The following FGGY variants were observed in gnomAD, a reference collection of about 807,000 sequenced individuals.
FGGY encodes the protein FGGY carbohydrate kinase domain-containing protein.
Under a neutral mutation model 71.3 loss-of-function variants are expected in FGGY, and 72 were observed. The ratio of observed to expected loss-of-function variants is 1.01; its 90% CI spans 0.84 to 1.23. FGGY has a LOEUF of 1.23. Among genes scored for constraint, FGGY ranks in the 50% most tolerant of loss-of-function variants. The pLI, the probability that FGGY is intolerant of heterozygous loss-of-function variation, is 0.00. For synonymous variants in FGGY, 251 were observed against 250.3 expected (o/e 1.00, Z -0.02); for missense variants, 668 against 682.3 (o/e 0.98, Z 0.23).
intron 6 of FGGY, among the ~76,000 whole-genome samples, chr1:59,508,935 A>T (rs958376272): frequency 5.9e-5 from 9 of 152,118 alleles, no homozygotes; most frequent in South Asian, 2.1e-4. Context: ...GGTAGAGGGA[A>T]AAGAGCTGAA....
At chr1:59,482,572 G>A (rs1569781848) in intron 6 of FGGY, among the ~76,000 whole-genome samples, 1 of 146,360 alleles carries the variant, frequency 6.8e-6, no homozygotes, top group African/African-American at 2.6e-5. Context: ...GTATATATAT[G>A]TGTGTGTGTG....
intron 4 of FGGY, among the ~76,000 whole-genome samples, chr1:59,349,270 G>C (rs1429288628): frequency 6.6e-6 from 1 of 152,274 alleles, no homozygotes; most frequent in East Asian, 1.9e-4. Flanking sequence ...CAGGAATGAT[G>C]GCAGTGGTCT....
At chr1:59,392,166 C>A (rs2060774352) in intron 5 of FGGY, among the ~76,000 whole-genome samples, 1 of 152,174 alleles carries the variant, frequency 6.6e-6, no homozygotes, top group Admixed American at 6.6e-5. Context: ...TCATTTCTTA[C>A]CCAGGGTGGC....
chr1:59,309,156 T>C (rs534518646), intron 1 of FGGY, among the ~76,000 whole-genome samples: 3 of 152,304 alleles, frequency 2.0e-5, no homozygotes, highest in East Asian at 3.9e-4. Context: ...GAATCACTTT[T>C]CTATGAAAAG....
chr1:59,300,908 T>A (rs1406470848), intron 1 of FGGY, among the ~76,000 whole-genome samples: 1 of 152,222 alleles, frequency 6.6e-6, no homozygotes, highest in Non-Finnish European at 1.5e-5. Context: ...TCAGGTAGTA[T>A]AAGTCCTTTA....
intron 4 of FGGY, among the ~76,000 whole-genome samples, chr1:59,374,501 C>T (rs959815386): frequency 2.6e-5 from 4 of 152,090 alleles, no homozygotes; most frequent in Non-Finnish European, 5.9e-5. Context: ...TGTGGCGATT[C>T]CTCAGGGATC....
At chr1:59,454,639 C>T (rs1236641121) in intron 5 of FGGY, among the ~76,000 whole-genome samples, 1 of 152,190 alleles carries the variant, frequency 6.6e-6, no homozygotes, top group South Asian at 2.1e-4. Flanking sequence ...TTGATATTTC[C>T]TCCCTGTCTC....
At chr1:59,520,420 T>C (rs1186133564) in intron 7 of FGGY, among the ~76,000 whole-genome samples, 1 of 152,180 alleles carries the variant, frequency 6.6e-6, no homozygotes, top group East Asian at 1.9e-4. Flanking sequence ...CCACCTCCTT[T>C]CCTTTGTTAC....
chr1:59,650,497 G>T (rs1426746113), intron 11 of FGGY, among the ~76,000 whole-genome samples: 1 of 102,398 alleles, frequency 9.8e-6, no homozygotes, highest in Non-Finnish European at 1.8e-5. Context: ...ATGTGTCCAG[G>T]AATTTATCCA....
At chr1:59,684,343 T>C (rs895136952) in intron 14 of FGGY, among the ~76,000 whole-genome samples, 10 of 152,170 alleles carry the variant, frequency 6.6e-5, no homozygotes, top group Non-Finnish European at 1.3e-4. Context: ...TTGCAATTAC[T>C]CTGCAATGGA....
chr1:59,457,407 C>T (rs1422603538), intron 6 of FGGY, among the ~76,000 whole-genome samples: 9 of 152,104 alleles, frequency 5.9e-5, no homozygotes, highest in African/African-American at 1.4e-4. Flanking sequence ...CCCAGGAGTT[C>T]GGGACCAGTC....
At chr1:59,649,003 G>C (rs927807740) in intron 11 of FGGY, among the ~76,000 whole-genome samples, 10 of 151,476 alleles carry the variant, frequency 6.6e-5, no homozygotes, top group African/African-American at 1.7e-4. Flanking sequence ...TTATTAAATA[G>C]GGAATCCTTT....
intron 6 of FGGY, among the ~76,000 whole-genome samples, chr1:59,472,672 G>A (rs1353174079): frequency 6.6e-6 from 1 of 152,200 alleles, no homozygotes; most frequent in Non-Finnish European, 1.5e-5. Flanking sequence ...TCTAGCTCAG[G>A]GTTTGCGAAT....
intron 6 of FGGY, among the ~76,000 whole-genome samples, chr1:59,495,598 G>A (rs1255350409): frequency 6.6e-6 from 1 of 151,664 alleles, no homozygotes; most frequent in East Asian, 1.9e-4. Context: ...TTTCTTCTAG[G>A]GTTTTTATAG....
chr1:59,725,636 T>TG (rs2097938097), intron 14 of FGGY, among the ~76,000 whole-genome samples: 3 of 151,586 alleles, frequency 2.0e-5, no homozygotes, highest in African/African-American at 7.2e-5. Context: ...TTTTGTTTTT[T>TG]GTTTTTTTTG....
intron 8 of FGGY, among the ~76,000 whole-genome samples, chr1:59,606,662 AGCTTAT>A (rs1169714039): frequency 2.0e-5 from 3 of 152,166 alleles, no homozygotes; most frequent in African/African-American, 7.2e-5. Flanking sequence ...AGGGAGATAA[AGCTTAT>A]GTTTTATGCT....
chr1:59,651,687 G>A (rs2097163073), intron 11 of FGGY, among the ~76,000 whole-genome samples: 1 of 151,108 alleles, frequency 6.6e-6, no homozygotes. Context: ...GCACACTGAT[G>A]GTTCTTGACT....
chr1:59,390,605 A>G (rs2153377589), intron 5 of FGGY, among the ~76,000 whole-genome samples: 1 of 152,336 alleles, frequency 6.6e-6, no homozygotes, highest in African/African-American at 2.4e-5. Flanking sequence ...AGCTAGGTTT[A>G]TAATCAAACT....
intron 1 of FGGY, among the ~76,000 whole-genome samples, chr1:59,319,703 G>A (rs2046051681): frequency 6.6e-6 from 1 of 152,192 alleles, no homozygotes; most frequent in Non-Finnish European, 1.5e-5. Context: ...GTTTGAGGAT[G>A]TCTGTAGCCT....
Sources: allele counts gnomAD v4.1 joint callset (sites outside exome capture counted in the v4.1 genomes callset), GRCh38; gene constraint gnomAD v4.1.1; transcripts MANE v1.5; gene names NCBI Gene and HGNC (gene_info 2026-07-23, HGNC 2026-07-21).